Variants in TRIM5 observed in about 807,000 individuals in gnomAD.
TRIM5 encodes the protein tripartite motif containing 5, also known as tripartite motif-containing protein 5.
In TRIM5, 31 loss-of-function variants were observed where a neutral mutation model predicts 35.6. The observed-to-expected ratio is 0.87, with a 90% confidence interval of 0.65 to 1.18. The LOEUF is 1.18. TRIM5 is among the 50% of genes most tolerant of loss of function. The pLI is 0.00. For synonymous variants in TRIM5, 243 were observed against 215.6 expected (o/e 1.13, Z -1.11); for missense variants, 609 against 591.6 (o/e 1.03, Z -0.31).
At chr11:5,624,006 A>G in the TRIM5 span, among the ~76,000 whole-genome samples, 3 of 152,170 alleles carry the variant, frequency 2.0e-5, no homozygotes, top group African/African-American at 4.8e-5. Context: ...TATATTCCTC[A>G]TGAAAATGGA....
the TRIM5 span, chr11:5,634,530 C>CATATATATATATATATATATATAT: frequency 2.5e-5 from 5 of 203,896 alleles, no homozygotes; most frequent in African/African-American, 1.4e-4. Flanking sequence ...CACACACACA[C>CATATATATATATATATATATATAT]ATATATATAT....
chr11:5,666,969 A>G (rs756886683), intron 5 of TRIM5, among the ~76,000 whole-genome samples: 6 of 152,192 alleles, frequency 3.9e-5, no homozygotes, highest in Admixed American at 2.6e-4. Context: ...AATTGTCCCA[A>G]TGGACAATTA....
the TRIM5 span, among the ~76,000 whole-genome samples, chr11:5,628,291 G>A: frequency 3.4e-4 from 52 of 152,294 alleles, no homozygotes; most frequent in African/African-American, 1.2e-3. Context: ...ATACTGATTG[G>A]AATAAAAGAT....
At position 5,679,895 on chromosome 11, in the gene TRIM5, A is replaced by T; in HGVS notation, c.283T>A (p.Cys95Ser). Residue 95 changes from cysteine (C) to serine (S), a missense_variant, in exon 2 of 8, where the codon TGT becomes AGT. Transcript: ENST00000380034. ...LSPEGQKVDH[C>S]ARHGEKLLLF... ...AGAAGTTTCTCTCCATGGCGTGCAC[A>T]ATGATCAACTTTCTGCCCCTCTGGG... is the stretch of plus-strand genomic sequence containing the variant. 1 of 1,613,910 alleles carries T rather than the reference A, an allele frequency of 6.2e-7. No homozygotes were observed. The highest frequency in any genetic ancestry group is 8.5e-7 in the Non-Finnish European group (1 of 1,179,996).
the TRIM5 span, among the ~76,000 whole-genome samples, chr11:5,646,303 G>A: frequency 2.0e-4 from 31 of 152,130 alleles, no homozygotes; most frequent in African/African-American, 7.2e-4. Flanking sequence ...CAGCACTGAC[G>A]TCAATTTTTT....
downstream of TRIM5, among the ~76,000 whole-genome samples, chr11:5,660,392 C>T (rs1009860227): frequency 6.6e-6 from 1 of 152,166 alleles, no homozygotes; most frequent in South Asian, 2.1e-4. Flanking sequence ...GAAACTCCCC[C>T]AATACTGTTG....
the TRIM5 span, chr11:5,655,728 C>G: frequency 4.1e-6 from 4 of 981,550 alleles, no homozygotes; most frequent in Non-Finnish European, 3.6e-6. Context: ...GATAGATAAC[C>G]GGGCACAAAA....
the TRIM5 span, chr11:5,644,106 G>A: frequency 2.5e-6 from 1 of 407,194 alleles, no homozygotes; most frequent in Non-Finnish European, 4.3e-6. Context: ...GGGTATGTCA[G>A]TGTGTTGCTC....
chr11:5,657,707 A>ATATAATATAAAT, the TRIM5 span, among the ~76,000 whole-genome samples: 2 of 128,326 alleles, frequency 1.6e-5, no homozygotes, highest in African/African-American at 6.2e-5. Context: ...AATATATATA[A>ATATAATATAAAT]ATATATATAT....
chr11:5,605,342 G>C, the TRIM5 span: 4 of 1,614,096 alleles, frequency 2.5e-6, no homozygotes, highest in East Asian at 4.5e-5. Flanking sequence ...TGAAGAATCA[G>C]ATGGAGCCTG....
At chr11:5,643,035 C>G in the TRIM5 span, 1 of 1,288,724 alleles carries the variant, frequency 7.8e-7, no homozygotes, top group Non-Finnish European at 1.0e-6. Flanking sequence ...CAAGTTCGTT[C>G]ATCACCATGT....
At chr11:5,648,223 G>A in the TRIM5 span, among the ~76,000 whole-genome samples, 135 of 151,996 alleles carry the variant, frequency 8.9e-4, no homozygotes, top group African/African-American at 3.0e-3. Flanking sequence ...TAACAGCTTC[G>A]GGGCCGGGCG....
At chr11:5,622,434 G>A in the TRIM5 span, among the ~76,000 whole-genome samples, 1 of 142,634 alleles carries the variant, frequency 7.0e-6, no homozygotes, top group African/African-American at 2.6e-5. Context: ...GACAGAGCGA[G>A]ACTACCTCTC....
At chr11:5,644,709 T>C in the TRIM5 span, among the ~76,000 whole-genome samples, 2 of 152,186 alleles carry the variant, frequency 1.3e-5, no homozygotes, top group Non-Finnish European at 2.9e-5. Context: ...TGGTGGTTAG[T>C]GCATTTAAAA....
At chr11:5,607,715 G>A in the TRIM5 span, among the ~76,000 whole-genome samples, 2 of 152,078 alleles carry the variant, frequency 1.3e-5, no homozygotes, top group African/African-American at 4.8e-5. Flanking sequence ...TTTAAATTTG[G>A]TGACTTAAGT....
downstream of TRIM5, among the ~76,000 whole-genome samples, chr11:5,661,317 C>T (rs927837360): frequency 3.9e-5 from 6 of 152,154 alleles, no homozygotes; most frequent in East Asian, 1.9e-4. Context: ...ATCATATAAA[C>T]GTTCTTTTAC....
the TRIM5 span, chr11:5,610,496 G>A: frequency 6.2e-7 from 1 of 1,613,786 alleles, no homozygotes; most frequent in African/African-American, 1.3e-5. Flanking sequence ...TGAGACAGTT[G>A]GTCCTATTCA....
the TRIM5 span, among the ~76,000 whole-genome samples, chr11:5,602,383 C>G: frequency 6.6e-6 from 1 of 151,746 alleles, no homozygotes; most frequent in African/African-American, 2.4e-5. Context: ...GCGGAGCTTG[C>G]AGTGAGTCGA....
At chr11:5,604,705 C>T in the TRIM5 span, 3 of 1,455,800 alleles carry the variant, frequency 2.1e-6, no homozygotes, top group Middle Eastern at 2.0e-4. Flanking sequence ...CAAAGGAGTC[C>T]TTGTCCTGTC....
Sources: allele counts gnomAD v4.1 joint callset (sites outside exome capture counted in the v4.1 genomes callset), GRCh38; gene constraint gnomAD v4.1.1; transcripts MANE v1.5; gene names NCBI Gene and HGNC (gene_info 2026-07-23, HGNC 2026-07-21).